Variants in TTLL11 observed in about 807,000 individuals in gnomAD.
TTLL11 encodes tubulin tyrosine ligase like 11.
TTLL11 carries 42 observed loss-of-function variants against 51.7 expected under a neutral mutation model. The observed-to-expected ratio is 0.81, with a 90% CI of 0.64 to 1.05. The LOEUF is 1.05. Ranked by LOEUF, TTLL11 falls within the 50% of genes least tolerant of loss-of-function variation. TTLL11 has a pLI of 0.00. For synonymous variants in TTLL11, 381 were observed against 383.5 expected (o/e 0.99, Z 0.08); for missense variants, 799 against 940.4 (o/e 0.85, Z 1.97).
rs1295341875 is a variant in TTLL11 at position 121,860,389 on chromosome 9, G to A, written c.1788C>T (p.Tyr596=). ...AGTTCCACCTCCGTGTGATGTCAATGTAGAGGATGTCCACGGCAGCCATGG... is the reference window on the plus strand; with the variant it reads ...AGTTCCACCTCCGTGTGATGTCAATATAGAGGATGTCCACGGCAGCCATGG... The part of the protein sequence containing the change: ...SLSMAAVDIL[Y]IDITRRWNSM... Residue 596 remains tyrosine, a synonymous_variant, in exon 8 of 9, where the codon TAC becomes TAT. Transcript: ENST00000321582. 1.9e-6 allele frequency: 3 copies of A among 1,551,422 alleles called. No homozygotes were observed. The highest frequency in any genetic ancestry group is 3.9e-5 in the Admixed American group (2 of 50,988).
chr9:121,855,715 C>T (rs1335213646), intron 8 of TTLL11, among the ~76,000 whole-genome samples: 1 of 152,196 alleles, frequency 6.6e-6, no homozygotes, highest in Non-Finnish European at 1.5e-5. Flanking sequence ...CTCAGGATTC[C>T]CTGCTTTGAG....
intron 6 of TTLL11, among the ~76,000 whole-genome samples, chr9:121,966,804 C>T (rs1198371962): frequency 6.6e-6 from 1 of 152,190 alleles, no homozygotes; most frequent in Non-Finnish European, 1.5e-5. Flanking sequence ...TCTTACCTCC[C>T]TCCAGCATAG....
In TTLL11 at chr9:121,822,889, A is replaced by C. The variant is rs1836627600; in HGVS notation, c.1841-10T>G. ...GCCTGCAGACACATCCCTGTGAACA[A>C]AGAGACTGGATGAGGGGGTGCACAC... On this transcript the variant is annotated splice_polypyrimidine_tract_variant and intron_variant, in intron 8 of 8. Coordinates refer to ENST00000321582, the MANE Select transcript of TTLL11 (RefSeq NM_001139442.2). This position sits in a 1 kb window ranked among gnomAD's most constrained non-coding sequence, Gnocchi z 5.8. 6.5e-7 allele frequency: 1 copy of C among 1,544,612 alleles called. No individual in the cohort carries two copies. The highest frequency in any genetic ancestry group is 8.7e-7 in the Non-Finnish European group (1 of 1,143,512).
At position 121,890,583 on chromosome 9, in the gene TTLL11, T is replaced by C. The variant is rs1839189972; in HGVS notation, c.1482-19835A>G. 6.6e-6 allele frequency among the ~76,000 whole-genome samples: 1 copy of C among 152,202 alleles called. No homozygotes were observed. The highest frequency in any genetic ancestry group is 6.5e-5 in the Admixed American group (1 of 15,278). ...AGCTCTCCCTGCTTCATTTTCTCCA[T>C]AGCGCTCATCACCACTCATCACAGT... On this transcript the variant is annotated intron_variant, in intron 6 of 8. Transcript: ENST00000321582. This position sits in a 1 kb window ranked among gnomAD's most constrained non-coding sequence, Gnocchi z 4.3.
At chr9:121,830,279 A>G (rs1264768358) in intron 8 of TTLL11, among the ~76,000 whole-genome samples, 1 of 152,148 alleles carries the variant, frequency 6.6e-6, no homozygotes, top group Non-Finnish European at 1.5e-5. Context: ...AACTTTCGAA[A>G]CTCCCAGAGG....
chr9:122,062,067 C>G (rs960726823), intron 1 of TTLL11, among the ~76,000 whole-genome samples: 20 of 152,204 alleles, frequency 1.3e-4, no homozygotes, highest in Non-Finnish European at 2.4e-4. Context: ...AAAATACTCA[C>G]CAGGGGAGCC....
intron 6 of TTLL11, among the ~76,000 whole-genome samples, chr9:121,874,923 ATT>A (rs368885206): frequency 1.3e-5 from 2 of 149,746 alleles, no homozygotes; most frequent in South Asian, 2.1e-4. Context: ...TGTCTGGCTA[ATT>A]TTTTTTTTCT....
At chr9:121,849,756 A>G (rs909266643) in intron 8 of TTLL11, among the ~76,000 whole-genome samples, 1 of 152,226 alleles carries the variant, frequency 6.6e-6, no homozygotes, top group African/African-American at 2.4e-5. Context: ...AAGTGTTGAC[A>G]AGGATGTGGG....
At chr9:121,849,879 G>A (rs531758126) in intron 8 of TTLL11, among the ~76,000 whole-genome samples, 1 of 152,216 alleles carries the variant, frequency 6.6e-6, no homozygotes, top group Non-Finnish European at 1.5e-5. Context: ...TAACCCCACC[G>A]CTACCAAATT....
Position 121,817,057 on chromosome 9 carries a change from G to C in TTLL11, c.*5530C>G, listed in dbSNP as rs1004351179. On this transcript the variant is annotated 3_prime_UTR_variant, in exon 9 of 9. Coordinates refer to ENST00000321582, the MANE Select transcript of TTLL11 (RefSeq NM_001139442.2). ...GGGGAATGCCAGCTCCCTGCCGGGA[G>C]AGCCATCATTTCTGAGCTTTCAGGG... 2 of 152,230 alleles carry C rather than the reference G, an allele frequency of 1.3e-5. No homozygotes were observed. Among genetic ancestry groups the C allele is most frequent in the African/African-American group, 2.4e-5 (1 of 41,454 alleles). The allele number at this position is 152,230 out of a possible 1,614,324, so 9.4% of individuals were successfully genotyped here.
intron 6 of TTLL11, among the ~76,000 whole-genome samples, chr9:121,956,061 C>T (rs1842005847): frequency 6.6e-6 from 1 of 151,238 alleles, no homozygotes; most frequent in Admixed American, 6.6e-5. Flanking sequence ...CCTAGAAGGA[C>T]CTAAGTTTAA....
chr9:121,944,225 G>A (rs934020871), intron 6 of TTLL11, among the ~76,000 whole-genome samples: 9 of 152,014 alleles, frequency 5.9e-5, no homozygotes, highest in African/African-American at 1.2e-4. Flanking sequence ...ATTGAGTTCC[G>A]GGCCTGGTGC....
chr9:121,848,221 G>GA (rs946933884), intron 8 of TTLL11, among the ~76,000 whole-genome samples: 374 of 136,944 alleles, frequency 2.7e-3, no homozygotes, highest in African/African-American at 8.3e-3. Flanking sequence ...GAAAAAAAAA[G>GA]AAAAAAAAAA....
At chr9:122,066,188 G>GTGTTGT (rs59290623) in intron 1 of TTLL11, among the ~76,000 whole-genome samples, 3,612 of 149,016 alleles carry the variant, frequency 0.024, 147 homozygotes, top group African/African-American at 0.087. Flanking sequence ...GGGGAGCAGA[G>GTGTTGT]TGTTGTTGTT....
intron 1 of TTLL11, among the ~76,000 whole-genome samples, chr9:122,053,493 G>A (rs1398728374): frequency 6.6e-6 from 1 of 152,170 alleles, no homozygotes; most frequent in East Asian, 1.9e-4. Context: ...AGGGCAAGCT[G>A]CGGAGCTGGA....
At chr9:121,948,679 G>A (rs1208691963) in intron 6 of TTLL11, among the ~76,000 whole-genome samples, 4 of 152,180 alleles carry the variant, frequency 2.6e-5, no homozygotes, top group African/African-American at 9.7e-5. Flanking sequence ...CCAGGAAGTG[G>A]CAGAACCAGG....
At chr9:122,078,506 G>C (rs1845916697) in intron 1 of TTLL11, among the ~76,000 whole-genome samples, 1 of 152,192 alleles carries the variant, frequency 6.6e-6, no homozygotes, top group Admixed American at 6.5e-5. Context: ...GAAGGCTCAA[G>C]CAAACCACAT....
In TTLL11 at chr9:121,870,699, CGTCCAA is replaced by C. The variant is rs765903232; in HGVS notation, c.1525_1530del (p.Leu509_Asp510del). On this transcript the variant is annotated inframe_deletion, in exon 7 of 9. Transcript: ENST00000321582. Reference sequence around the variant, plus strand: ...CAGTCTGGAGCACTGGTCAGCTCGCCGTCCAAAGCATCTTCCTTTCCAGCGAATGGT... The same window carrying C: ...CAGTCTGGAGCACTGGTCAGCTCGCCAGCATCTTCCTTTCCAGCGAATGGT... The C allele has an allele frequency of 1.3e-4, 208 of 1,551,122 alleles. No individual in the cohort carries two copies. The highest frequency in any genetic ancestry group is 6.7e-4 in the Middle Eastern group (4 of 5,988).
chr9:122,036,440 G>A (rs1267194175), intron 2 of TTLL11, among the ~76,000 whole-genome samples: 1 of 151,510 alleles, frequency 6.6e-6, no homozygotes, highest in Non-Finnish European at 1.5e-5. Flanking sequence ...TGACATGTCT[G>A]ATTTAGATAC....
Sources: allele counts gnomAD v4.1 joint callset (sites outside exome capture counted in the v4.1 genomes callset), GRCh38; gene constraint gnomAD v4.1.1; non-coding constraint Gnocchi (gnomAD v3.1); transcripts MANE v1.5; gene names NCBI Gene and HGNC (gene_info 2026-07-23, HGNC 2026-07-21).